GRID1: variants seen among roughly 807,000 people sequenced by gnomAD.
The protein encoded by GRID1 is glutamate receptor ionotropic, delta-1.
Under a neutral mutation model 98.0 loss-of-function variants are expected in GRID1, and 28 were observed. The observed-to-expected ratio is 0.29, with a 90% CI of 0.21 to 0.39. GRID1 has a LOEUF of 0.39. Among genes scored for constraint, GRID1 ranks in the 10% least tolerant of loss-of-function variants. GRID1 has a pLI of 1.00. For synonymous variants in GRID1, 553 were observed against 538.5 expected (o/e 1.03, Z -0.37); for missense variants, 1,111 against 1,340.5 (o/e 0.83, Z 2.67).
chr10:85,907,139 T>C (rs1357504133), intron 5 of GRID1, among the ~76,000 whole-genome samples: 1 of 152,200 alleles, frequency 6.6e-6, no homozygotes, highest in African/African-American at 2.4e-5. Flanking sequence ...TTTGAGACAG[T>C]CTCACTCTGT....
intron 12 of GRID1, among the ~76,000 whole-genome samples, chr10:85,687,286 A>G (rs1338450559): frequency 6.6e-6 from 1 of 152,198 alleles, no homozygotes; most frequent in Non-Finnish European, 1.5e-5. Context: ...GGTTTATAAG[A>G]TGACACTATT....
chr10:86,302,173 G>A (rs1223522832), intron 2 of GRID1, among the ~76,000 whole-genome samples: 1 of 152,232 alleles, frequency 6.6e-6, no homozygotes, highest in Non-Finnish European at 1.5e-5. Context: ...TCTGCAGGAT[G>A]TGGCCCAGCC....
chr10:85,934,845 G>A (rs936917184), intron 4 of GRID1, among the ~76,000 whole-genome samples: 4 of 152,144 alleles, frequency 2.6e-5, no homozygotes, highest in African/African-American at 9.7e-5. Flanking sequence ...CTCTTCAGGA[G>A]CAGGTTAGTA....
intron 2 of GRID1, among the ~76,000 whole-genome samples, chr10:86,286,784 C>T (rs373682996): frequency 1.4e-4 from 21 of 152,224 alleles, no homozygotes; most frequent in Admixed American, 3.3e-4. Context: ...GACAGCTCTC[C>T]GCTCTGGGCG....
chr10:85,985,786 T>C (rs1465437734), intron 4 of GRID1, among the ~76,000 whole-genome samples: 1 of 152,150 alleles, frequency 6.6e-6, no homozygotes, highest in African/African-American at 2.4e-5. Context: ...CATGGCCCCA[T>C]TGGATCTCCC....
intron 12 of GRID1, among the ~76,000 whole-genome samples, chr10:85,668,621 T>C (rs1841050412): frequency 6.6e-6 from 1 of 152,172 alleles, no homozygotes; most frequent in Non-Finnish European, 1.5e-5. Context: ...ACCTAAAAAA[T>C]GAGACCCAGA....
chr10:85,785,846 C>T (rs1226104703), intron 8 of GRID1, among the ~76,000 whole-genome samples: 1 of 151,954 alleles, frequency 6.6e-6, no homozygotes, highest in Non-Finnish European at 1.5e-5. Flanking sequence ...CAGGCAACAG[C>T]AGCCCAAAGT....
chr10:85,772,550 G>A (rs1842282813), intron 8 of GRID1, among the ~76,000 whole-genome samples: 1 of 152,066 alleles, frequency 6.6e-6, no homozygotes. Context: ...TTTTTGAAAG[G>A]ATCAACAAAA....
intron 2 of GRID1, among the ~76,000 whole-genome samples, chr10:86,292,196 A>G (rs1847524650): frequency 6.6e-6 from 1 of 152,172 alleles, no homozygotes; most frequent in Non-Finnish European, 1.5e-5. Context: ...CCAAGGGGAG[A>G]AGCCACAAGG....
chr10:85,897,446 A>G (rs1841309053), intron 5 of GRID1, among the ~76,000 whole-genome samples: 1 of 152,196 alleles, frequency 6.6e-6, no homozygotes, highest in Non-Finnish European at 1.5e-5. Context: ...ACCAGAGGAG[A>G]AGCCTTGGAT....
chr10:86,108,061 C>T (rs866398688), intron 4 of GRID1, among the ~76,000 whole-genome samples: 1 of 152,214 alleles, frequency 6.6e-6, no homozygotes, highest in African/African-American at 2.4e-5. Flanking sequence ...AAGCCGCCTA[C>T]AGACAGCAAA....
chr10:86,096,745 C>G (rs1425381543), intron 4 of GRID1, among the ~76,000 whole-genome samples: 3 of 152,222 alleles, frequency 2.0e-5, no homozygotes, highest in Non-Finnish European at 4.4e-5. Flanking sequence ...GGATAGCCTT[C>G]TAAATACTTA....
At chr10:86,118,513 T>TA (rs2131957251) in intron 4 of GRID1, among the ~76,000 whole-genome samples, 1 of 152,178 alleles carries the variant, frequency 6.6e-6, no homozygotes, top group South Asian at 2.1e-4. Context: ...AAAATTAAAA[T>TA]AAAAAAAGAA....
chr10:85,891,592 C>T (rs185368046), intron 5 of GRID1, among the ~76,000 whole-genome samples: 1 of 152,162 alleles, frequency 6.6e-6, no homozygotes, highest in Admixed American at 6.6e-5. Context: ...CATAACTAAA[C>T]CCCCTGAATC....
intron 5 of GRID1, among the ~76,000 whole-genome samples, chr10:85,870,080 G>A (rs1395247254): frequency 6.6e-6 from 1 of 152,208 alleles, no homozygotes; most frequent in African/African-American, 2.4e-5. Flanking sequence ...CTGTGAGGGT[G>A]TTGCCAAAGG....
At chr10:85,691,586 G>A (rs1261187435) in intron 12 of GRID1, among the ~76,000 whole-genome samples, 3 of 151,980 alleles carry the variant, frequency 2.0e-5, no homozygotes, top group Non-Finnish European at 4.4e-5. Context: ...TCCTTTTTCT[G>A]AAAAATTTGG....
chr10:85,715,404 A>C (rs1292048933), intron 12 of GRID1, among the ~76,000 whole-genome samples: 1 of 152,182 alleles, frequency 6.6e-6, no homozygotes, highest in East Asian at 1.9e-4. Context: ...AAAATCCTAC[A>C]CATAGCAAAG....
intron 4 of GRID1, among the ~76,000 whole-genome samples, chr10:85,959,500 G>A (rs1259593983): frequency 6.6e-6 from 1 of 152,152 alleles, no homozygotes; most frequent in Non-Finnish European, 1.5e-5. Flanking sequence ...CATCATCCAG[G>A]AGAGTTCCCT....
At chr10:85,788,075 A>C (rs1015892806) in intron 8 of GRID1, among the ~76,000 whole-genome samples, 11 of 152,014 alleles carry the variant, frequency 7.2e-5, no homozygotes, top group Admixed American at 2.0e-4. Context: ...AGAAAAGAAA[A>C]GAAAAAGAAG....
Sources: allele counts gnomAD v4.1 joint callset (sites outside exome capture counted in the v4.1 genomes callset), GRCh38; gene constraint gnomAD v4.1.1; transcripts MANE v1.5; gene names NCBI Gene and HGNC (gene_info 2026-07-23, HGNC 2026-07-21).